FABP7: variants seen among roughly 807,000 people sequenced by gnomAD.
FABP7 encodes the protein fatty acid-binding protein, brain.
A neutral mutation model predicts 14.2 loss-of-function variants in FABP7; 13 were observed. The observed-to-expected ratio is 0.91, with a 90% CI of 0.59 to 1.45. The LOEUF (loss-of-function observed/expected upper bound fraction) is 1.45. Ranked by LOEUF, FABP7 falls within the 40% of genes most tolerant of loss-of-function variation. The pLI, the probability that FABP7 is intolerant of heterozygous loss-of-function variation, is 0.00. For synonymous variants in FABP7, 49 were observed against 51.4 expected (o/e 0.95, Z 0.20); for missense variants, 149 against 157.6 (o/e 0.95, Z 0.29).
chr6:122,778,179 T>C (rs1780706707), upstream of FABP7, among the ~76,000 whole-genome samples: 1 of 152,226 alleles, frequency 6.6e-6, no homozygotes, highest in Admixed American at 6.5e-5. Context: ...AGTAAACTTC[T>C]GTAAAACATT....
the FABP7 span, among the ~76,000 whole-genome samples, chr6:122,761,455 C>A: frequency 6.6e-6 from 1 of 151,990 alleles, no homozygotes; most frequent in African/African-American, 2.4e-5. Context: ...AAAGATGCAC[C>A]CTGTATTTTG....
At chr6:122,780,995 A>G in intron 2 of FABP7, 98 bp from the exon 3 acceptor site, 1 of 1,367,622 alleles carries the variant, frequency 7.3e-7, no homozygotes, top group Non-Finnish European at 9.8e-7. Flanking sequence ...ATCATGATTT[A>G]TTCAATTATA....
At chr6:122,753,190 G>A in the FABP7 span, among the ~76,000 whole-genome samples, 3 of 152,090 alleles carry the variant, frequency 2.0e-5, no homozygotes, top group East Asian at 5.8e-4. Context: ...AGCCCTGCAG[G>A]GTAACTTGGG....
chr6:122,778,263 A>G (rs953395382), upstream of FABP7, among the ~76,000 whole-genome samples: 1 of 152,204 alleles, frequency 6.6e-6, no homozygotes, highest in Non-Finnish European at 1.5e-5. Context: ...TTAGTGGTAA[A>G]GTATTAGAAA....
chr6:122,783,641 C>T, intron 3 of FABP7, 76 bp from the exon 4 acceptor site: 5 of 1,540,748 alleles, frequency 3.2e-6, no homozygotes, highest in Non-Finnish European at 4.3e-6. Flanking sequence ...ACTTAGATCA[C>T]ATATATGATG....
the FABP7 span, among the ~76,000 whole-genome samples, chr6:122,760,121 T>G: frequency 6.6e-6 from 1 of 152,010 alleles, no homozygotes; most frequent in African/African-American, 2.4e-5. Context: ...AAGATATAAT[T>G]TACATACCAT....
chr6:122,751,960 C>T, the FABP7 span, among the ~76,000 whole-genome samples: 1 of 152,150 alleles, frequency 6.6e-6, no homozygotes, highest in Non-Finnish European at 1.5e-5. Flanking sequence ...AGGACTGGCT[C>T]TTATGTCAGC....
At chr6:122,755,694 T>C in the FABP7 span, among the ~76,000 whole-genome samples, 1 of 151,946 alleles carries the variant, frequency 6.6e-6, no homozygotes, top group East Asian at 1.9e-4. Flanking sequence ...CCTGACCTTG[T>C]GATCTGCCCG....
the FABP7 span, among the ~76,000 whole-genome samples, chr6:122,767,631 C>T: frequency 2.8e-3 from 432 of 151,924 alleles, 5 homozygotes; most frequent in South Asian, 0.035. Context: ...CACTTGGTGG[C>T]CAGGCATAGT....
chr6:122,782,960 G>T (rs938310262), intron 3 of FABP7: 11 of 985,386 alleles, frequency 1.1e-5, no homozygotes, highest in Non-Finnish European at 1.1e-5. Flanking sequence ...CAGAAAAGTA[G>T]ATAGCTCAAC....
At chr6:122,752,400 C>A in the FABP7 span, among the ~76,000 whole-genome samples, 1 of 152,172 alleles carries the variant, frequency 6.6e-6, no homozygotes, top group Non-Finnish European at 1.5e-5. Context: ...AACCCCTCTG[C>A]AGGGTTAAAC....
At chr6:122,776,295 G>A (rs893383611), upstream of FABP7, among the ~76,000 whole-genome samples, 2 of 152,064 alleles carry the variant, frequency 1.3e-5, no homozygotes, top group African/African-American at 2.4e-5. Context: ...TGGATGAATG[G>A]ATAAAGAAAA....
upstream of FABP7, chr6:122,779,551 A>G: frequency 1.8e-6 from 1 of 548,408 alleles, no homozygotes; most frequent in Non-Finnish European, 3.3e-6. Context: ...GCCTGAGCCA[A>G]TCACAAAGAG....
the FABP7 span, among the ~76,000 whole-genome samples, chr6:122,750,000 G>A: frequency 6.6e-6 from 1 of 152,164 alleles, no homozygotes; most frequent in Non-Finnish European, 1.5e-5. Flanking sequence ...AACATGAATT[G>A]TGATACCAGC....
At chr6:122,781,364 AG>A (rs1381189964) in intron 3 of FABP7, 170 bp downstream of exon 3, 1 of 1,462,806 alleles carries the variant, frequency 6.8e-7, no homozygotes, top group South Asian at 1.4e-5. Context: ...GGAAACAAAA[AG>A]ATCCCAGTTA....
chr6:122,750,474 C>A, the FABP7 span, among the ~76,000 whole-genome samples: 1 of 152,148 alleles, frequency 6.6e-6, no homozygotes, highest in Non-Finnish European at 1.5e-5. Context: ...ATTAATCATG[C>A]ATCAACAGTA....
At chr6:122,772,081 A>G in the FABP7 span, among the ~76,000 whole-genome samples, 7 of 152,344 alleles carry the variant, frequency 4.6e-5, no homozygotes, top group South Asian at 1.0e-3. Context: ...AAATGAAACC[A>G]TAGGATGACA....
the FABP7 span, among the ~76,000 whole-genome samples, chr6:122,755,329 C>T: frequency 5.6e-4 from 85 of 151,906 alleles, no homozygotes; most frequent in African/African-American, 1.8e-3. Context: ...TTTACATTTA[C>T]GTTACATCTC....
At chr6:122,756,545 T>C in the FABP7 span, among the ~76,000 whole-genome samples, 3 of 152,324 alleles carry the variant, frequency 2.0e-5, no homozygotes, top group Admixed American at 2.0e-4. Flanking sequence ...TTATATCCCA[T>C]GTCCTCTGTT....
Sources: allele counts gnomAD v4.1 joint callset (sites outside exome capture counted in the v4.1 genomes callset), GRCh38; gene constraint gnomAD v4.1.1; transcripts MANE v1.5; gene names NCBI Gene and HGNC (gene_info 2026-07-23, HGNC 2026-07-21).